Variants in EXPH5 observed in about 807,000 individuals in gnomAD.
EXPH5 encodes exophilin 5.
In EXPH5, 42 loss-of-function variants were observed where a neutral mutation model predicts 41.1. The ratio of observed to expected loss-of-function variants is 1.02; its 90% CI spans 0.80 to 1.32. The LOEUF (loss-of-function observed/expected upper bound fraction) is 1.32. Among genes scored for constraint, EXPH5 ranks in the 40% most tolerant of loss-of-function variants. The pLI, the probability that EXPH5 is intolerant of heterozygous loss-of-function variation, is 0.00. For missense variants in EXPH5, 2,298 were observed against 2,314.5 expected, an observed-to-expected ratio of 0.99 and a Z score of 0.15; for synonymous variants, 798 against 833.5, an observed-to-expected ratio of 0.96 and a Z score of 0.73.
At chr11:108,595,891 GA>G (rs2094138250), upstream of EXPH5, among the ~76,000 whole-genome samples, 1 of 152,138 alleles carries the variant, frequency 6.6e-6, no homozygotes, top group African/African-American at 2.4e-5. Flanking sequence ...TTTTGAGGGT[GA>G]TAATGATACA....
intron 5 of EXPH5, 129 bp downstream of exon 5, chr11:108,518,106 G>C: frequency 1.3e-6 from 1 of 764,836 alleles, no homozygotes; most frequent in Non-Finnish European, 2.1e-6. Flanking sequence ...CTTCAAATAA[G>C]CTAAACATGA....
chr11:108,527,358 C>A (rs1167508792), intron 4 of EXPH5, among the ~76,000 whole-genome samples: 2 of 151,828 alleles, frequency 1.3e-5, no homozygotes, highest in East Asian at 1.9e-4. Flanking sequence ...CTCCTCCTCA[C>A]CAGAATTTTA....
the EXPH5 span, among the ~76,000 whole-genome samples, chr11:108,603,727 A>G: frequency 1.3e-5 from 2 of 152,228 alleles, no homozygotes; most frequent in African/African-American, 4.8e-5. Context: ...CACTGGCAAG[A>G]TACAACCACT....
chr11:108,533,684 G>A (rs556956508), intron 3 of EXPH5, among the ~76,000 whole-genome samples: 1 of 152,210 alleles, frequency 6.6e-6, no homozygotes, highest in East Asian at 1.9e-4. Flanking sequence ...CACTGTTGAC[G>A]TTTCTTTGTC....
intron 2 of EXPH5, among the ~76,000 whole-genome samples, chr11:108,541,119 C>T (rs1211018411): frequency 6.6e-6 from 1 of 151,932 alleles, no homozygotes; most frequent in Non-Finnish European, 1.5e-5. Flanking sequence ...TGCCCAGGCT[C>T]GTCTCAAACT....
intron 2 of EXPH5, among the ~76,000 whole-genome samples, chr11:108,540,080 G>A (rs2093904177): frequency 6.6e-6 from 1 of 152,154 alleles, no homozygotes; most frequent in Admixed American, 6.5e-5. Flanking sequence ...TACTTTGGGA[G>A]GCTGAGGTGG....
rs369676981 is a variant in EXPH5, at chr11:108,512,177, A to G, written c.3330T>C (p.Val1110=). ...TNVKSSGSTS[V]RKGPLPFLIN... is the part of the protein sequence containing the mutation. ...TGAGGAATGGAAGTGGTCCTTTTCT[A>G]ACGGAAGTAGATCCACTGCTTTTTA... The change falls in exon 6 of 6, where the codon GTT becomes GTC. Residue 1110 remains valine, a synonymous_variant. Coordinates refer to ENST00000265843, the MANE Select transcript of EXPH5 (RefSeq NM_015065.3). The G allele has an allele frequency of 1.9e-6, 3 of 1,611,544 alleles. No homozygotes were observed. Among genetic ancestry groups the G allele is most frequent in the Non-Finnish European group, 2.5e-6 (3 of 1,178,992 alleles).
At chr11:108,518,637 C>T (rs2093743313) in intron 4 of EXPH5, among the ~76,000 whole-genome samples, 1 of 152,184 alleles carries the variant, frequency 6.6e-6, no homozygotes, top group Admixed American at 6.5e-5. Context: ...TTCCTACGAA[C>T]TTACACAGCA....
At chr11:108,605,357 C>T in the EXPH5 span, among the ~76,000 whole-genome samples, 2 of 152,152 alleles carry the variant, frequency 1.3e-5, no homozygotes, top group African/African-American at 4.8e-5. Flanking sequence ...CTAGGTCCAA[C>T]ATAGGAGATG....
chr11:108,509,734 C>G lies in EXPH5; in HGVS notation c.5773G>C (p.Asp1925His). The G allele has an allele frequency of 6.2e-7, 1 of 1,607,744 alleles. No homozygotes were observed. Among genetic ancestry groups the G allele is most frequent in the Non-Finnish European group, 8.5e-7 (1 of 1,178,112 alleles). Residue 1925 changes from aspartate to histidine, a missense_variant, in exon 6 of 6, where the codon GAT becomes CAT. Asp to His is a moderately conservative substitution (Grantham distance 81). Transcript: ENST00000265843. ...GAGGGGTTGGGAGGGTTCCTCAAAT[C>G]ATCTTTTAGGAAGCCAGGGTTCTTA... ...FLKNPGFLKDDLRNPPNPSES... is the reference protein window; with the variant it reads ...FLKNPGFLKDHLRNPPNPSES...
In EXPH5 at chr11:108,510,252, A is replaced by G; in HGVS notation, c.5255T>C (p.Leu1752Pro). ...EAEFSDNQRR[L>P]SPPFPLEPAQ... ...AGGCTCCAGTGGAAAAGGAGGGCTCAGCCTCCTCTGATTGTCAGAGAATTC... is the reference window on the plus strand; with the variant it reads ...AGGCTCCAGTGGAAAAGGAGGGCTCGGCCTCCTCTGATTGTCAGAGAATTC... Residue 1752 changes from leucine (L) to proline (P), a missense_variant, in exon 6 of 6, where the codon CTG becomes CCG. Coordinates refer to ENST00000265843, the MANE Select transcript of EXPH5 (RefSeq NM_015065.3). 6.2e-7 allele frequency: 1 copy of G among 1,613,870 alleles called. No individual in the cohort carries two copies.
intron 1 of EXPH5, among the ~76,000 whole-genome samples, chr11:108,591,334 C>T (rs961961633): frequency 2.6e-5 from 4 of 152,292 alleles, no homozygotes; most frequent in Middle Eastern, 6.8e-3. Flanking sequence ...GCCCTTTCTG[C>T]ATGCCAATAT....
Position 108,513,458 on chromosome 11 carries a change from CAG to C in EXPH5, c.2047_2048del (p.Leu683AlafsTer16). The part of the protein sequence containing the change: ...TVTSSNSVDS[L>X]PLAKSQPNIL... ...TATTGGGCTGGCTTTTGGCAAGAGG[CAG>C]AGAGTCAACTGAATTGCTGCTGGTC... On this transcript the variant is annotated frameshift_variant, in exon 6 of 6. Coordinates refer to ENST00000265843, the MANE Select transcript of EXPH5 (RefSeq NM_015065.3). LOFTEE classifies it low-confidence loss of function (END_TRUNC). 1.2e-6 allele frequency: 2 copies of C among 1,613,488 alleles called. No individual in the cohort carries two copies. The highest frequency in any genetic ancestry group is 1.7e-6 in the Non-Finnish European group (2 of 1,179,670).
chr11:108,523,717 C>T (rs1341578937), intron 4 of EXPH5, among the ~76,000 whole-genome samples: 1 of 152,080 alleles, frequency 6.6e-6, no homozygotes, highest in Non-Finnish European at 1.5e-5. Context: ...ACCAAAAATA[C>T]AAAAACTTAG....
upstream of EXPH5, among the ~76,000 whole-genome samples, chr11:108,594,520 A>G (rs370473086): frequency 4.5e-4 from 68 of 152,330 alleles, no homozygotes; most frequent in African/African-American, 1.6e-3. Flanking sequence ...TAGCTTTCCT[A>G]GAAAGTCAAT....
chr11:108,585,216 A>G (rs1421195720), intron 1 of EXPH5, among the ~76,000 whole-genome samples: 1 of 152,210 alleles, frequency 6.6e-6, no homozygotes, highest in Non-Finnish European at 1.5e-5. Context: ...CTACAAACCT[A>G]TTAGAATGGT....
At position 108,505,758 on chromosome 11, in the gene EXPH5, A is replaced by C. The variant is rs2093641216; in HGVS notation, c.*3779T>G. On this transcript the variant is annotated 3_prime_UTR_variant, in exon 6 of 6. Transcript: ENST00000265843. ...AAGAAGTTCTCTTAAACCCTCTGGC[A>C]CTTAACAAAGAATATTAATTTTATG... 1 of 152,212 alleles carries C rather than the reference A, an allele frequency of 6.6e-6. No individual in the cohort carries two copies. The highest frequency in any genetic ancestry group is 2.1e-4 in the South Asian group (1 of 4,828). 9.4% of individuals were successfully genotyped at this position (152,212 alleles called of 1,614,324 possible).
intron 1 of EXPH5, among the ~76,000 whole-genome samples, chr11:108,550,556 A>T (rs1382811559): frequency 6.6e-6 from 1 of 152,166 alleles, no homozygotes; most frequent in African/African-American, 2.4e-5. Flanking sequence ...AGGCAGACGG[A>T]TCATTTGAGG....
chr11:108,600,865 G>A, the EXPH5 span, among the ~76,000 whole-genome samples: 1 of 152,174 alleles, frequency 6.6e-6, no homozygotes, highest in Middle Eastern at 3.2e-3. Flanking sequence ...ATTGTCTAGT[G>A]ACAAGTTCAA....
Sources: allele counts gnomAD v4.1 joint callset (sites outside exome capture counted in the v4.1 genomes callset), GRCh38; gene constraint gnomAD v4.1.1; transcripts MANE v1.5; gene names NCBI Gene and HGNC (gene_info 2026-07-23, HGNC 2026-07-21).